MCPH1: variants seen among roughly 807,000 people sequenced by gnomAD.
The protein encoded by MCPH1 is microcephalin.
A neutral mutation model predicts 84.5 loss-of-function variants in MCPH1; 104 were observed. The ratio of observed to expected loss-of-function variants is 1.23; its 90% CI spans 1.05 to 1.45. The LOEUF (loss-of-function observed/expected upper bound fraction) is 1.45, where lower values mean the gene tolerates loss of function less well. Among genes scored for constraint, MCPH1 ranks in the 40% most tolerant of loss-of-function variants. The pLI, the probability that MCPH1 is intolerant of heterozygous loss-of-function variation, is 0.00. For missense variants in MCPH1, 1,498 were observed against 1,005.7 expected (o/e 1.49, Z -6.62); for synonymous variants, 514 against 366.8 (o/e 1.40, Z -4.58).
intron 5 of MCPH1, 99 bp from the exon 6 acceptor site, chr8:6,438,854 G>A (rs982673297): frequency 1.8e-6 from 2 of 1,092,506 alleles, no homozygotes; most frequent in African/African-American, 3.1e-5. Context: ...AAGGGAAGAA[G>A]GAAAACGGGG....
chr8:6,525,561 T>A (rs1223549580), intron 12 of MCPH1, among the ~76,000 whole-genome samples: 1 of 152,188 alleles, frequency 6.6e-6, no homozygotes, highest in Non-Finnish European at 1.5e-5. Context: ...GCAATTGCAC[T>A]TTTGGGGAAT....
chr8:6,523,116 G>C (rs1817674144), intron 12 of MCPH1, among the ~76,000 whole-genome samples: 1 of 151,932 alleles, frequency 6.6e-6, no homozygotes, highest in Non-Finnish European at 1.5e-5. Context: ...TCCTGCCTCA[G>C]TCTCCCGAGT....
intron 13 of MCPH1, among the ~76,000 whole-genome samples, chr8:6,633,345 T>C (rs1158540312): frequency 6.6e-6 from 1 of 152,202 alleles, no homozygotes; most frequent in Non-Finnish European, 1.5e-5. Context: ...CTTTGTAAGA[T>C]CCACTCACTG....
chr8:6,605,886 T>TG (rs1829735956), intron 12 of MCPH1, among the ~76,000 whole-genome samples: 1 of 152,078 alleles, frequency 6.6e-6, no homozygotes, highest in Non-Finnish European at 1.5e-5. Context: ...TTAGTAAAGA[T>TG]GGGTTTCTCC....
At chr8:6,427,190 T>A (rs1019612735) in intron 3 of MCPH1, among the ~76,000 whole-genome samples, 1 of 152,170 alleles carries the variant, frequency 6.6e-6, no homozygotes, top group African/African-American at 2.4e-5. Context: ...TACACCTACA[T>A]AGGGCGTTTA....
At chr8:6,425,780 G>C (rs1800973787) in intron 3 of MCPH1, among the ~76,000 whole-genome samples, 1 of 152,190 alleles carries the variant, frequency 6.6e-6, no homozygotes, top group Non-Finnish European at 1.5e-5. Flanking sequence ...TGCAATAGGA[G>C]GCAATGGTAG....
At chr8:6,612,518 C>G (rs1412950722) in intron 12 of MCPH1, among the ~76,000 whole-genome samples, 1 of 152,224 alleles carries the variant, frequency 6.6e-6, no homozygotes, top group Non-Finnish European at 1.5e-5. Context: ...CTCTTCAGCA[C>G]CGGTGCCTGC....
At chr8:6,475,373 C>G (rs953509348) in intron 9 of MCPH1, among the ~76,000 whole-genome samples, 3 of 152,236 alleles carry the variant, frequency 2.0e-5, no homozygotes, top group African/African-American at 7.2e-5. Context: ...GGGAGATGTG[C>G]TTATCCTGGC....
intron 12 of MCPH1, among the ~76,000 whole-genome samples, chr8:6,605,463 C>T (rs904647897): frequency 7.2e-5 from 11 of 152,236 alleles, no homozygotes; most frequent in South Asian, 2.1e-4. Flanking sequence ...CCAAAGACTC[C>T]GCAGCAAATA....
At chr8:6,523,634 G>C (rs10087345) in intron 12 of MCPH1, among the ~76,000 whole-genome samples, 42,489 of 152,036 alleles carry the variant, frequency 0.28, 6,216 homozygotes, top group Middle Eastern at 0.42. Flanking sequence ...CTGTGGCCTG[G>C]GCTGTTGTGC....
chr8:6,626,865 T>C, intron 13 of MCPH1: 2 of 985,154 alleles, frequency 2.0e-6, no homozygotes. Context: ...TGGCTTGGCC[T>C]TTCTCATAGG....
intron 12 of MCPH1, among the ~76,000 whole-genome samples, chr8:6,575,812 G>A (rs1827032187): frequency 6.6e-6 from 1 of 152,126 alleles, no homozygotes; most frequent in Non-Finnish European, 1.5e-5. Flanking sequence ...ACGCAGGTAG[G>A]GACAGGGTGA....
At chr8:6,504,685 A>G (rs1165801952) in intron 12 of MCPH1, among the ~76,000 whole-genome samples, 2 of 152,220 alleles carry the variant, frequency 1.3e-5, no homozygotes, top group Non-Finnish European at 2.9e-5. Flanking sequence ...ATCGTACACT[A>G]AGGATGCTAA....
chr8:6,412,168 T>C (rs1467464768), intron 2 of MCPH1, among the ~76,000 whole-genome samples: 1 of 152,000 alleles, frequency 6.6e-6, no homozygotes, highest in Non-Finnish European at 1.5e-5. Context: ...GGAATCCGAA[T>C]ATAGGAGCAG....
At chr8:6,433,799 G>T (rs1802216732) in intron 4 of MCPH1, among the ~76,000 whole-genome samples, 2 of 151,668 alleles carry the variant, frequency 1.3e-5, no homozygotes, top group Admixed American at 1.3e-4. Context: ...TTTTCCAAAT[G>T]TAATTGCAAA....
chr8:6,445,246 G>A lies in MCPH1; in HGVS notation c.1524G>A (p.Arg508=), dbSNP rs754971027. 4.3e-6 allele frequency: 7 copies of A among 1,614,104 alleles called. No individual in the cohort carries two copies. The highest frequency in any genetic ancestry group is 4.0e-5 in the African/African-American group (3 of 74,920). ...CTTCTGCCCCTGAAGAAGCCCTAAG[G>A]TGTTGTAGACAGGCTGGGAAAGAAG... ...CVTSAPEEAL[R]CCRQAGKEDA... The change falls in exon 8 of 14, where the codon AGG becomes AGA. Residue 508 remains arginine, a synonymous_variant. Transcript: ENST00000344683.
At chr8:6,475,437 A>G (rs1286442415) in intron 9 of MCPH1, among the ~76,000 whole-genome samples, 1 of 152,150 alleles carries the variant, frequency 6.6e-6, no homozygotes, top group African/African-American at 2.4e-5. Context: ...CTGCCTGACC[A>G]TCGCTCTGGT....
At chr8:6,573,263 G>T (rs1185826953) in intron 12 of MCPH1, among the ~76,000 whole-genome samples, 1 of 152,048 alleles carries the variant, frequency 6.6e-6, no homozygotes, top group Non-Finnish European at 1.5e-5. Context: ...GCTTAGAGGA[G>T]GTGTGAGTAG....
chr8:6,409,393 G>C, intron 2 of MCPH1, 23 bp downstream of exon 2: 8 of 1,536,376 alleles, frequency 5.2e-6, no homozygotes, highest in Non-Finnish European at 5.4e-6. Context: ...TTTTGCTGTT[G>C]ATTCATATGA....
Sources: allele counts gnomAD v4.1 joint callset (sites outside exome capture counted in the v4.1 genomes callset), GRCh38; gene constraint gnomAD v4.1.1; transcripts MANE v1.5; gene names NCBI Gene and HGNC (gene_info 2026-07-23, HGNC 2026-07-21).